The following ACOT11 variants were observed in gnomAD, a reference collection of about 807,000 sequenced individuals.
ACOT11 encodes the protein acyl-CoA thioesterase 11, also known as acyl-coenzyme A thioesterase 11.
A neutral mutation model predicts 77.5 loss-of-function variants in ACOT11; 69 were observed. The observed-to-expected ratio is 0.89, with a 90% CI of 0.73 to 1.09. The LOEUF is 1.09. Ranked by LOEUF, ACOT11 falls within the 50% of genes least tolerant of loss-of-function variation. The pLI is 0.00. For missense variants in ACOT11, 766 were observed against 813.7 expected (o/e 0.94, Z 0.71); for synonymous variants, 279 against 313.0 (o/e 0.89, Z 1.15).
intron 16 of ACOT11, among the ~76,000 whole-genome samples, chr1:54,632,797 C>A (rs1175250338): frequency 6.6e-6 from 1 of 152,152 alleles, no homozygotes; most frequent in East Asian, 1.9e-4. Flanking sequence ...CCAATTCAAC[C>A]CGCTCAATTT....
chr1:54,599,157 A>T, intron 7 of ACOT11, 139 bp from the exon 8 acceptor site: 1 of 30,686 alleles, frequency 3.3e-5, no homozygotes, highest in Non-Finnish European at 5.6e-5. Context: ...AAAAAAAAAA[A>T]AAAAAAAAAA....
intron 1 of ACOT11, among the ~76,000 whole-genome samples, chr1:54,576,491 T>TTAAAAAA (rs1330910972): frequency 4.4e-5 from 3 of 68,364 alleles, no homozygotes; most frequent in African/African-American, 1.5e-4. Context: ...GAGCAAGATC[T>TTAAAAAA]AAAAAAAAAA....
intron 1 of ACOT11, among the ~76,000 whole-genome samples, chr1:54,552,972 C>T (rs1045311516): frequency 1.3e-5 from 2 of 151,616 alleles, no homozygotes; most frequent in Admixed American, 1.3e-4. Flanking sequence ...GGATTACAGG[C>T]ATGTGCCACC....
chr1:54,573,723 A>G (rs564605191), intron 1 of ACOT11, among the ~76,000 whole-genome samples: 5 of 151,674 alleles, frequency 3.3e-5, no homozygotes, highest in Non-Finnish European at 7.4e-5. Context: ...ACAGAGTGAA[A>G]CTCTCTCAAA....
At chr1:54,601,967 C>T (rs1307400126) in intron 9 of ACOT11, among the ~76,000 whole-genome samples, 1 of 152,264 alleles carries the variant, frequency 6.6e-6, no homozygotes, top group African/African-American at 2.4e-5. Context: ...TCCTGTGGGC[C>T]AGGCCTTGGA....
rs1210006509 is a variant in ACOT11, at chr1:54,610,039, C to G, written c.*927C>G. On this transcript the variant is annotated 3_prime_UTR_variant, in exon 16 of 16. Transcript: ENST00000343744. ...GGGGCAGTGGGAGTTATGGGGTCAT[C>G]AAGGACCTTGCCTCTCTGGAATCTG... The G allele has an allele frequency of 2.7e-6, 4 of 1,460,300 alleles. No individual in the cohort carries two copies. Among genetic ancestry groups the G allele is most frequent in the African/African-American group, 1.4e-5 (1 of 70,984 alleles). The allele number at this position is 1,460,300 out of a possible 1,614,324, so 90.5% of individuals were successfully genotyped here.
chr1:54,618,214 ACCT>A (rs1644195148), intron 15 of ACOT11, among the ~76,000 whole-genome samples: 1 of 151,796 alleles, frequency 6.6e-6, no homozygotes. Context: ...TAAAAAAATC[ACCT>A]CCTCAGCCGG....
At chr1:54,617,071 C>T (rs771400252) in intron 15 of ACOT11, among the ~76,000 whole-genome samples, 1 of 152,188 alleles carries the variant, frequency 6.6e-6, no homozygotes, top group Non-Finnish European at 1.5e-5. Context: ...ATTCTTGTTC[C>T]TGCACAAGGT....
intron 16 of ACOT11, among the ~76,000 whole-genome samples, chr1:54,632,109 T>G (rs1463070276): frequency 6.6e-6 from 1 of 152,138 alleles, no homozygotes; most frequent in African/African-American, 2.4e-5. Context: ...AAAAGAAAAC[T>G]GCTGATCCTG....
At position 54,594,616 on chromosome 1, in the gene ACOT11, G is replaced by A; in HGVS notation, c.532G>A (p.Ala178Thr). Residue 178 changes from alanine (A) to threonine (T), a missense_variant, in exon 6 of 16, where the codon GCT becomes ACT. By Grantham distance (58) the Ala-to-Thr change is moderately conservative. Transcript: ENST00000343744. ...EEEKMEHSVAAERRRMRLVYA... is the reference protein window; with the variant it reads ...EEEKMEHSVATERRRMRLVYA... ...GGAGAAGATGGAGCACAGTGTGGCGGCTGAGCGCCGGCGCATGCGCCTTGT... is the reference window on the plus strand; with the variant it reads ...GGAGAAGATGGAGCACAGTGTGGCGACTGAGCGCCGGCGCATGCGCCTTGT... The A allele has an allele frequency of 6.2e-7, 1 of 1,614,138 alleles. No homozygotes were observed. The highest frequency in any genetic ancestry group is 8.5e-7 in the Non-Finnish European group (1 of 1,180,010).
At chr1:54,573,211 C>T (rs1330487197) in intron 1 of ACOT11, 1 of 985,296 alleles carries the variant, frequency 1.0e-6, no homozygotes, top group Non-Finnish European at 1.2e-6. Flanking sequence ...TCCTGCCTGC[C>T]AGATGAGAGA....
chr1:54,586,710 G>A (rs569742597), intron 3 of ACOT11, among the ~76,000 whole-genome samples: 75 of 152,024 alleles, frequency 4.9e-4, no homozygotes, highest in Non-Finnish European at 9.3e-4. Flanking sequence ...CTGGGATTAC[G>A]GGTGTGAGCC....
chr1:54,575,843 C>A (rs1025460226), intron 1 of ACOT11, among the ~76,000 whole-genome samples: 1 of 152,178 alleles, frequency 6.6e-6, no homozygotes. Context: ...GGCAAAGGCC[C>A]AGTGCTGGGA....
At chr1:54,611,180 T>A (rs544905617), downstream of ACOT11, among the ~76,000 whole-genome samples, 8 of 152,286 alleles carry the variant, frequency 5.3e-5, no homozygotes, top group East Asian at 1.5e-3. Flanking sequence ...ATGCCTGTAA[T>A]CCCAGTACTT....
chr1:54,630,035 G>A (rs560920684), intron 15 of ACOT11, among the ~76,000 whole-genome samples: 3 of 133,888 alleles, frequency 2.2e-5, no homozygotes, highest in African/African-American at 7.6e-5. Flanking sequence ...GAGTAGCTGG[G>A]ACTACAGGCG....
At chr1:54,580,817 G>A (rs1654279391) in intron 1 of ACOT11, among the ~76,000 whole-genome samples, 1 of 152,194 alleles carries the variant, frequency 6.6e-6, no homozygotes, top group Admixed American at 6.5e-5. Context: ...ACTCTCCCTG[G>A]GGAAGAGAGA....
At chr1:54,624,355 C>T (rs992191760) in intron 15 of ACOT11, among the ~76,000 whole-genome samples, 29 of 114,008 alleles carry the variant, frequency 2.5e-4, no homozygotes, top group Non-Finnish European at 2.8e-4. Context: ...GGCAGATGGT[C>T]GGGACTGAGG....
At chr1:54,559,320 G>T (rs185815246) in intron 1 of ACOT11, among the ~76,000 whole-genome samples, 60 of 152,310 alleles carry the variant, frequency 3.9e-4, no homozygotes, top group Admixed American at 2.9e-3. Flanking sequence ...CACACCTCAG[G>T]GTCGAGGGAG....
At chr1:54,593,464 T>TG (rs1654784756) in intron 4 of ACOT11, among the ~76,000 whole-genome samples, 1 of 147,828 alleles carries the variant, frequency 6.8e-6, no homozygotes, top group Admixed American at 6.7e-5. Context: ...TGTGGTTTTT[T>TG]TTTTTTTTTT....
Sources: allele counts gnomAD v4.1 joint callset (sites outside exome capture counted in the v4.1 genomes callset), GRCh38; gene constraint gnomAD v4.1.1; transcripts MANE v1.5; gene names NCBI Gene and HGNC (gene_info 2026-07-23, HGNC 2026-07-21).